MARCHF1: variants seen among roughly 807,000 people sequenced by gnomAD.
The protein encoded by MARCHF1 is E3 ubiquitin-protein ligase MARCHF1.
In MARCHF1, 40 loss-of-function variants were observed where a neutral mutation model predicts 54.2. That is an observed-to-expected ratio of 0.74 (90% CI 0.57 to 0.96). The LOEUF is 0.96. Among genes scored for constraint, MARCHF1 ranks in the 40% least tolerant of loss-of-function variants. The pLI, the probability that MARCHF1 is intolerant of heterozygous loss-of-function variation, is 0.00. For synonymous variants in MARCHF1, 236 were observed against 236.3 expected, an observed-to-expected ratio of 1.00 and a Z score of 0.01; for missense variants, 586 against 656.5, an observed-to-expected ratio of 0.89 and a Z score of 1.17.
At chr4:163,681,524 T>C (rs1363795481) in intron 5 of MARCHF1, among the ~76,000 whole-genome samples, 6 of 152,202 alleles carry the variant, frequency 3.9e-5, no homozygotes, top group Non-Finnish European at 5.9e-5. Flanking sequence ...TGACATATAA[T>C]TCAGGTAACT....
At chr4:163,721,650 A>G (rs563207035) in intron 4 of MARCHF1, among the ~76,000 whole-genome samples, 3 of 152,218 alleles carry the variant, frequency 2.0e-5, no homozygotes, top group South Asian at 2.1e-4. Flanking sequence ...CTGTAAATCC[A>G]TCTGGTCCTG....
intron 1 of MARCHF1, among the ~76,000 whole-genome samples, chr4:164,229,203 T>C (rs1732340733): frequency 2.0e-5 from 3 of 152,228 alleles, no homozygotes; most frequent in Admixed American, 2.0e-4. Flanking sequence ...ACCCTCCTTT[T>C]GCATGTGGAC....
At chr4:163,745,884 T>A (rs547818727) in intron 4 of MARCHF1, among the ~76,000 whole-genome samples, 7 of 152,184 alleles carry the variant, frequency 4.6e-5, no homozygotes, top group African/African-American at 2.4e-5. Flanking sequence ...TTTAGGTTCA[T>A]GGTAAAATTG....
intron 4 of MARCHF1, among the ~76,000 whole-genome samples, chr4:163,705,383 A>G (rs1448218534): frequency 6.6e-6 from 1 of 151,886 alleles, no homozygotes; most frequent in Non-Finnish European, 1.5e-5. Flanking sequence ...CCTTGCTCTC[A>G]TTTGGAACTA....
intron 3 of MARCHF1, among the ~76,000 whole-genome samples, chr4:163,976,869 C>T (rs575918537): frequency 6.6e-6 from 1 of 152,204 alleles, no homozygotes; most frequent in East Asian, 1.9e-4. Context: ...TCACCAGTCA[C>T]CGTAGAGTAA....
In MARCHF1 at chr4:163,525,493, T is replaced by C. The variant is rs1405127290; in HGVS notation, c.*3255A>G. On this transcript the variant is annotated 3_prime_UTR_variant, in exon 10 of 10. Transcript: ENST00000514618. ...GTTTAGATTTTGTTCATTTTTATTTTGTTTTTGTACTTAAGCTTAATTGCC... is the reference window on the plus strand; with the variant it reads ...GTTTAGATTTTGTTCATTTTTATTTCGTTTTTGTACTTAAGCTTAATTGCC... 1 of 152,174 alleles carries C rather than the reference T, an allele frequency of 6.6e-6. No homozygotes were observed. Among genetic ancestry groups the C allele is most frequent in the East Asian group, 1.9e-4 (1 of 5,200 alleles). The allele number at this position is 152,174 out of a possible 1,614,324, so 9.4% of individuals were successfully genotyped here.
chr4:163,809,779 A>C (rs566150589), intron 4 of MARCHF1, among the ~76,000 whole-genome samples: 1 of 152,308 alleles, frequency 6.6e-6, no homozygotes, highest in South Asian at 2.1e-4. Flanking sequence ...GCTTTTAGTC[A>C]CACTAAAGAT....
intron 4 of MARCHF1, among the ~76,000 whole-genome samples, chr4:163,716,110 C>T (rs180715944): frequency 1.3e-5 from 2 of 152,254 alleles, no homozygotes; most frequent in East Asian, 3.9e-4. Context: ...AACTAGCTTT[C>T]TGAAACTCCT....
At chr4:163,944,355 T>C (rs1190074929) in intron 3 of MARCHF1, among the ~76,000 whole-genome samples, 1 of 152,112 alleles carries the variant, frequency 6.6e-6, no homozygotes, top group African/African-American at 2.4e-5. Context: ...ACTCTAGCTG[T>C]TACCTCCTTT....
At chr4:163,569,701 G>C (rs1297459509) in intron 8 of MARCHF1, among the ~76,000 whole-genome samples, 3 of 152,102 alleles carry the variant, frequency 2.0e-5, no homozygotes, top group Non-Finnish European at 2.9e-5. Flanking sequence ...TACAGCTCAA[G>C]ATCTTAATCA....
chr4:163,694,641 C>G (rs139442081), intron 5 of MARCHF1, among the ~76,000 whole-genome samples: 113 of 152,246 alleles, frequency 7.4e-4, no homozygotes, highest in Non-Finnish European at 1.2e-3. Context: ...ATCTCAGGAT[C>G]TGCTGTGATA....
At chr4:163,617,352 T>C (rs936396727) in intron 5 of MARCHF1, among the ~76,000 whole-genome samples, 4 of 152,178 alleles carry the variant, frequency 2.6e-5, no homozygotes, top group African/African-American at 7.2e-5. Context: ...AATAGTTTAC[T>C]GTATATTTTC....
chr4:163,698,793 C>T (rs1054914012), intron 5 of MARCHF1, among the ~76,000 whole-genome samples: 5 of 152,106 alleles, frequency 3.3e-5, no homozygotes, highest in Admixed American at 6.6e-5. Flanking sequence ...GTGACAAAGG[C>T]GTTGTCAGTA....
rs1016916168 is a variant in MARCHF1 at position 163,924,558 on chromosome 4, G to A, written c.-39+63943C>T. On this transcript the variant is annotated intron_variant, in intron 3 of 9. Transcript: ENST00000514618. ...ACTTTTACTTTCTTTCCAAATTTGC[G>A]ATTTTATTAAAAAATATGTATAGTG... 1.8e-4 allele frequency among the ~76,000 whole-genome samples: 28 copies of A among 151,966 alleles called. 1 individual carries two copies. The highest frequency in any genetic ancestry group is 2.0e-4 in the Admixed American group (3 of 15,234).
At chr4:163,942,222 C>A (rs1296363670) in intron 3 of MARCHF1, among the ~76,000 whole-genome samples, 1 of 152,162 alleles carries the variant, frequency 6.6e-6, no homozygotes, top group Non-Finnish European at 1.5e-5. Flanking sequence ...CCAACTCCAC[C>A]GTGTCCAATT....
intron 7 of MARCHF1, among the ~76,000 whole-genome samples, chr4:163,595,595 A>G (rs937452480): frequency 6.6e-6 from 1 of 152,216 alleles, no homozygotes; most frequent in Admixed American, 6.5e-5. Context: ...TTGCTACAGG[A>G]TTGGCTGTTC....
At chr4:164,179,711 A>G (rs1730782824) in intron 1 of MARCHF1, among the ~76,000 whole-genome samples, 1 of 152,016 alleles carries the variant, frequency 6.6e-6, no homozygotes, top group Admixed American at 6.6e-5. Context: ...TTTATAAGAT[A>G]CCATTAATAT....
chr4:164,367,236 G>A (rs1006691231), intron 1 of MARCHF1, among the ~76,000 whole-genome samples: 2 of 151,958 alleles, frequency 1.3e-5, no homozygotes, highest in East Asian at 1.9e-4. Context: ...AATACTAAAT[G>A]GTAATGGTGA....
At chr4:163,907,668 C>T (rs1166052777) in intron 3 of MARCHF1, among the ~76,000 whole-genome samples, 2 of 152,048 alleles carry the variant, frequency 1.3e-5, no homozygotes, top group African/African-American at 4.8e-5. Context: ...AGCCAACTAG[C>T]TGGAATGAAT....
Sources: gnomAD v4.1 joint callset for allele counts (sites outside exome capture counted in the v4.1 genomes callset) on GRCh38, gnomAD v4.1.1 for gene constraint, MANE v1.5 for transcripts, NCBI Gene and HGNC (gene_info 2026-07-23, HGNC 2026-07-21) for gene names.